Variants in NHSL1 observed in about 807,000 individuals in gnomAD.
The protein encoded by NHSL1 is NHS like 1, also known as NHS-like protein 1.
A neutral mutation model predicts 95.0 loss-of-function variants in NHSL1; 48 were observed. The ratio of observed to expected loss-of-function variants is 0.51; its 90% CI spans 0.40 to 0.64. The LOEUF is 0.64. Among genes scored for constraint, NHSL1 ranks in the 30% least tolerant of loss-of-function variants. The pLI is 0.00. For synonymous variants in NHSL1, 783 were observed against 833.9 expected, an observed-to-expected ratio of 0.94 and a Z score of 1.05; for missense variants, 1,971 against 2,077.7, an observed-to-expected ratio of 0.95 and a Z score of 1.00.
chr6:138,484,150 C>T (rs1779587298), intron 2 of NHSL1, among the ~76,000 whole-genome samples: 1 of 152,204 alleles, frequency 6.6e-6, no homozygotes, highest in African/African-American at 2.4e-5. Flanking sequence ...TTCAGGGAAA[C>T]TGACCAATCT....
At chr6:138,505,751 C>A (rs1239308634) in intron 1 of NHSL1, among the ~76,000 whole-genome samples, 1 of 151,094 alleles carries the variant, frequency 6.6e-6, no homozygotes, top group Non-Finnish European at 1.5e-5. Context: ...AAAAGTCAGA[C>A]ATAATAGAGT....
chr6:138,430,083 C>T lies in NHSL1; in HGVS notation c.3953-240G>A, dbSNP rs1278253675. Among the ~76,000 whole-genome samples, 1 of 152,196 alleles carries T rather than the reference C, an allele frequency of 6.6e-6. No homozygotes were observed. Among genetic ancestry groups the T allele is most frequent in the East Asian group, 1.9e-4 (1 of 5,200 alleles). ...ATGGCATCTCTCTTAAATTTTGTTG[C>T]AACGTTTCTTTGCGCGGCTCTTCGG... On this transcript the variant is annotated intron_variant, in intron 6 of 7. Coordinates refer to ENST00000343505, the MANE Select transcript of NHSL1 (RefSeq NM_001144060.2). This position sits in a 1 kb window ranked among gnomAD's most constrained non-coding sequence, Gnocchi z 4.7.
chr6:138,560,308 GAA>G, intron 1 of NHSL1, among the ~76,000 whole-genome samples: 1 of 152,092 alleles, frequency 6.6e-6, no homozygotes, highest in Non-Finnish European at 1.5e-5. Flanking sequence ...AAGCAATGTC[GAA>G]AGACAGAAAC....
chr6:138,588,624 G>A (rs559010695), intron 1 of NHSL1, among the ~76,000 whole-genome samples: 7 of 152,292 alleles, frequency 4.6e-5, no homozygotes, highest in East Asian at 3.9e-4. Context: ...TCATCTGTCC[G>A]TAGAACAGAC....
In NHSL1 at chr6:138,639,755, A is replaced by G. The variant is rs111994106; in HGVS notation, c.96+52721T>C. Reference sequence around the variant, plus strand: ...TGGGAGGCAGAGGTTGCAGTGAGCCAAGGTCGCACCTCTAGCCAGGGGACA... The same window carrying G: ...TGGGAGGCAGAGGTTGCAGTGAGCCGAGGTCGCACCTCTAGCCAGGGGACA... On this transcript the variant is annotated intron_variant, in intron 1 of 3. Coordinates refer to the NHSL1 transcript ENST00000491526. Among the ~76,000 whole-genome samples the G allele has an allele frequency of 2.3e-3, 327 of 144,222 alleles. 4 individuals carry two copies. Among genetic ancestry groups the G allele is most frequent in the African/African-American group, 8.0e-3 (305 of 37,926 alleles). 94.6% of individuals were successfully genotyped at this position (144,222 alleles called of 152,430 possible). A position where few individuals can be genotyped will look rare whatever the true frequency, so the allele number is the denominator to read the frequency against.
chr6:138,608,160 T>A (rs1562390216), intron 1 of NHSL1, among the ~76,000 whole-genome samples: 1 of 152,252 alleles, frequency 6.6e-6, no homozygotes, highest in Non-Finnish European at 1.5e-5. Flanking sequence ...CGCGAGAGGA[T>A]AAATCTTACT....
chr6:138,449,782 G>A lies in NHSL1; in HGVS notation c.340-2589C>T, dbSNP rs115390738. ...GTACTCACTTTTTTTTCTTTTACAA[G>A]GAGACTAACAATAATAAAGGCATGT... On this transcript the variant is annotated intron_variant, in intron 3 of 7. Transcript: ENST00000343505. 2.4e-3 allele frequency among the ~76,000 whole-genome samples: 368 copies of A among 151,750 alleles called. 1 individual carries two copies. Among genetic ancestry groups the A allele is most frequent in the African/African-American group, 8.4e-3 (348 of 41,408 alleles).
chr6:138,614,640 C>T (rs1294567297), intron 1 of NHSL1, among the ~76,000 whole-genome samples: 1 of 152,088 alleles, frequency 6.6e-6, no homozygotes, highest in African/African-American at 2.4e-5. Flanking sequence ...TAAAATACTC[C>T]ATGTCAGGGG....
chr6:138,569,281 GAGAGAA>G (rs1260135411), intron 1 of NHSL1, among the ~76,000 whole-genome samples: 1 of 151,994 alleles, frequency 6.6e-6, no homozygotes, highest in Non-Finnish European at 1.5e-5. Flanking sequence ...GAGAGAGAGA[GAGAGAA>G]AGAGAGCGAG....
At chr6:138,624,775 C>T (rs940199833) in intron 1 of NHSL1, among the ~76,000 whole-genome samples, 1 of 152,186 alleles carries the variant, frequency 6.6e-6, no homozygotes, top group African/African-American at 2.4e-5. Context: ...TATTGCTGAG[C>T]ATCCTAAACT....
In NHSL1 at chr6:138,430,264, T is replaced by C. The variant is rs1305770306; in HGVS notation, c.3952+129A>G. On this transcript the variant is annotated intron_variant, in intron 6 of 7. Coordinates refer to ENST00000343505, the MANE Select transcript of NHSL1 (RefSeq NM_001144060.2). The surrounding 1 kb of genome is among the most constrained non-coding windows in gnomAD (Gnocchi z 4.7). The stretch of plus-strand genomic sequence containing the variant: ...TGTGTTTTAACACAGGAAGCCTACA[T>C]ACTGCTAGCTTTAACAGGAATCTGA... 1 of 1,290,566 alleles carries C rather than the reference T, an allele frequency of 7.7e-7. No homozygotes were observed. The highest frequency in any genetic ancestry group is 1.0e-6 in the Non-Finnish European group (1 of 984,512). 79.9% of individuals were successfully genotyped at this position (1,290,566 alleles called of 1,614,324 possible).
At chr6:138,686,812 T>C (rs548451431) in intron 1 of NHSL1, among the ~76,000 whole-genome samples, 29 of 152,346 alleles carry the variant, frequency 1.9e-4, no homozygotes, top group African/African-American at 6.3e-4. Context: ...AAGGACAGCA[T>C]GGCATTGTTA....
intron 2 of NHSL1, among the ~76,000 whole-genome samples, chr6:138,482,315 G>A (rs1049010177): frequency 1.2e-4 from 18 of 152,068 alleles, no homozygotes; most frequent in South Asian, 4.2e-4. Flanking sequence ...GCGTGGTGGC[G>A]GGTGCCTGTA....
intron 1 of NHSL1, among the ~76,000 whole-genome samples, chr6:138,559,876 G>A (rs776820845): frequency 1.8e-4 from 27 of 152,162 alleles, no homozygotes; most frequent in Admixed American, 1.2e-3. Context: ...TTCCATGTAC[G>A]CATGCCATGC....
chr6:138,575,548 C>T (rs1387195770), upstream of NHSL1, among the ~76,000 whole-genome samples: 1 of 152,134 alleles, frequency 6.6e-6, no homozygotes, highest in Non-Finnish European at 1.5e-5. Context: ...TGTCTACTGG[C>T]TAGTCCATAT....
chr6:138,589,318 T>C (rs1193728415), intron 1 of NHSL1, among the ~76,000 whole-genome samples: 1 of 152,070 alleles, frequency 6.6e-6, no homozygotes, highest in Non-Finnish European at 1.5e-5. Context: ...CCCTAAATGA[T>C]GCGGGGTGCT....
In NHSL1 at chr6:138,433,365, C is replaced by A; in HGVS notation, c.980G>T (p.Arg327Leu). ...DSDAGFHSLP[R>L]SGARANIQSL... ...CTGAATGTTTGCCCTTGCTCCAGAA[C>A]GCGGAAGACTATGGAAGCCAGCATC... Residue 327 changes from arginine to leucine, a missense_variant, in exon 6 of 8, where the codon CGT (arginine) becomes CTT (leucine). Arg to Leu is a moderately radical substitution (Grantham distance 102). This residue lies in a region of NHSL1 where 1,602 missense variants were observed against 1,654.5 expected (regional missense o/e 0.97). Transcript: ENST00000343505. 1 of 1,552,206 alleles carries A rather than the reference C, an allele frequency of 6.4e-7. No homozygotes were observed. Among genetic ancestry groups the A allele is most frequent in the Non-Finnish European group, 8.7e-7 (1 of 1,147,132 alleles).
intron 1 of NHSL1, among the ~76,000 whole-genome samples, chr6:138,508,594 G>T (rs955516469): frequency 5.3e-5 from 8 of 152,262 alleles, no homozygotes; most frequent in Admixed American, 3.9e-4. Context: ...GCTGCCTTCA[G>T]TAAGGGCCAG....
intron 3 of NHSL1, among the ~76,000 whole-genome samples, chr6:138,456,947 G>A (rs943077052): frequency 4.0e-5 from 6 of 151,424 alleles, no homozygotes; most frequent in South Asian, 4.2e-4. Flanking sequence ...GGAGTGGTGC[G>A]ATCTCAGCTC....
Sources: allele counts gnomAD v4.1 joint callset (sites outside exome capture counted in the v4.1 genomes callset), GRCh38; gene constraint gnomAD v4.1.1; regional missense constraint gnomAD v4.1.1; non-coding constraint Gnocchi (gnomAD v3.1); transcripts MANE v1.5; gene names NCBI Gene and HGNC (gene_info 2026-07-23, HGNC 2026-07-21).